ATG5: variants seen among roughly 807,000 people sequenced by gnomAD.
ATG5 encodes autophagy protein 5.
Under a neutral mutation model 36.5 loss-of-function variants are expected in ATG5, and 14 were observed. That is an observed-to-expected ratio of 0.38 (90% CI 0.25 to 0.60). ATG5 has a LOEUF of 0.60. Among genes scored for constraint, ATG5 ranks in the 20% least tolerant of loss-of-function variants. The probability of loss-of-function intolerance (pLI) is 0.60; values close to 1 mark genes in which losing one functional copy is unlikely to be tolerated. For missense variants in ATG5, 195 were observed against 326.7 expected (o/e 0.60, Z 3.11); for synonymous variants, 95 against 101.5 (o/e 0.94, Z 0.38).
chr6:106,229,669 T>C (rs1777599321), intron 6 of ATG5, among the ~76,000 whole-genome samples: 1 of 152,218 alleles, frequency 6.6e-6, no homozygotes, highest in Admixed American at 6.5e-5. Flanking sequence ...TACTACCTTG[T>C]TGTCAGCGTA....
chr6:106,291,478 A>T (rs1780305440), intron 4 of ATG5, among the ~76,000 whole-genome samples: 1 of 152,240 alleles, frequency 6.6e-6, no homozygotes, highest in South Asian at 2.1e-4. Context: ...TATATCATGG[A>T]AACAGATTTG....
chr6:106,311,771 AT>A (rs894921082), intron 2 of ATG5, among the ~76,000 whole-genome samples: 2 of 152,148 alleles, frequency 1.3e-5, no homozygotes, highest in African/African-American at 4.8e-5. Context: ...AGACTAGAAA[AT>A]GGAAAGAAGG....
At chr6:106,245,116 A>T (rs78937934) in intron 6 of ATG5, among the ~76,000 whole-genome samples, 26,457 of 152,100 alleles carry the variant, frequency 0.17, 2,705 homozygotes, top group African/African-American at 0.28. Flanking sequence ...TAACACACCA[A>T]ACTAAACTGT....
At chr6:106,222,333 C>T (rs1001008868) in intron 6 of ATG5, among the ~76,000 whole-genome samples, 1 of 152,116 alleles carries the variant, frequency 6.6e-6, no homozygotes. Flanking sequence ...CATGCATGAG[C>T]ATGGGAATTG....
intron 1 of ATG5, among the ~76,000 whole-genome samples, chr6:106,323,841 T>C (rs552982013): frequency 6.6e-6 from 1 of 152,346 alleles, no homozygotes; most frequent in East Asian, 1.9e-4. Context: ...AAGGTTCTTA[T>C]AAATTCCCAC....
At chr6:106,237,098 G>A (rs1777931893) in intron 6 of ATG5, among the ~76,000 whole-genome samples, 1 of 152,028 alleles carries the variant, frequency 6.6e-6, no homozygotes, top group Non-Finnish European at 1.5e-5. Context: ...TAGCCCTACT[G>A]TTCTACTTTG....
At chr6:106,306,500 G>C (rs184718252) in intron 3 of ATG5, among the ~76,000 whole-genome samples, 1 of 152,182 alleles carries the variant, frequency 6.6e-6, no homozygotes, top group Non-Finnish European at 1.5e-5. Context: ...CTTGTAGGAA[G>C]AGGCCAGAGC....
chr6:106,320,439 A>G (rs1029469971), intron 1 of ATG5, among the ~76,000 whole-genome samples: 20 of 152,200 alleles, frequency 1.3e-4, no homozygotes, highest in Non-Finnish European at 2.2e-4. Context: ...GGGCAGGTGC[A>G]ATATATATGC....
chr6:106,207,776 A>G (rs1274018413), intron 6 of ATG5, among the ~76,000 whole-genome samples: 1 of 152,082 alleles, frequency 6.6e-6, no homozygotes, highest in African/African-American at 2.4e-5. Context: ...TGATGCAACA[A>G]AAGATGCCAG....
chr6:106,258,627 C>T (rs1181918755), intron 5 of ATG5, among the ~76,000 whole-genome samples: 1 of 152,086 alleles, frequency 6.6e-6, no homozygotes, highest in African/African-American at 2.4e-5. Flanking sequence ...CATGACATGC[C>T]CAGGGTCATC....
intron 5 of ATG5, among the ~76,000 whole-genome samples, chr6:106,256,475 C>T (rs1299819990): frequency 6.6e-6 from 1 of 152,148 alleles, no homozygotes; most frequent in Non-Finnish European, 1.5e-5. Flanking sequence ...ATATAGCCAG[C>T]GTTAACAACC....
chr6:106,189,121 T>C (rs1261289180), intron 7 of ATG5, among the ~76,000 whole-genome samples: 1 of 152,192 alleles, frequency 6.6e-6, no homozygotes, highest in East Asian at 1.9e-4. Flanking sequence ...TCAAAATTAA[T>C]GTTTTTGGAA....
chr6:106,317,186 G>C (rs1017391674), intron 1 of ATG5, among the ~76,000 whole-genome samples: 3 of 152,170 alleles, frequency 2.0e-5, no homozygotes, highest in Admixed American at 6.5e-5. Context: ...AGTAAATGCT[G>C]AAATAAATAT....
intron 5 of ATG5, among the ~76,000 whole-genome samples, chr6:106,273,171 T>C (rs1336149190): frequency 1.3e-5 from 2 of 152,196 alleles, no homozygotes; most frequent in Non-Finnish European, 2.9e-5. Flanking sequence ...CAGTTCTACT[T>C]AGGAATCTAC....
At chr6:106,206,265 G>A (rs1303480827) in intron 6 of ATG5, among the ~76,000 whole-genome samples, 1 of 151,862 alleles carries the variant, frequency 6.6e-6, no homozygotes, top group Admixed American at 6.6e-5. Context: ...GGGGGGGTGG[G>A]GGTGGGGGCG....
At chr6:106,249,674 GGAAC>G (rs1207071859) in intron 5 of ATG5, among the ~76,000 whole-genome samples, 2 of 152,160 alleles carry the variant, frequency 1.3e-5, no homozygotes, top group Non-Finnish European at 2.9e-5. Context: ...TGTGTTTTGA[GGAAC>G]TGCCATACTG....
intron 6 of ATG5, among the ~76,000 whole-genome samples, chr6:106,226,671 A>G (rs1375091481): frequency 6.6e-6 from 1 of 152,252 alleles, no homozygotes; most frequent in Non-Finnish European, 1.5e-5. Flanking sequence ...CATAGAGTAT[A>G]TTCTCTTTAT....
intron 4 of ATG5, among the ~76,000 whole-genome samples, chr6:106,286,919 G>A (rs890058040): frequency 2.6e-5 from 4 of 152,152 alleles, no homozygotes; most frequent in African/African-American, 9.7e-5. Flanking sequence ...ACGCAGCCCA[G>A]CCAACACCCT....
At chr6:106,269,800 C>T (rs1020881572) in intron 5 of ATG5, among the ~76,000 whole-genome samples, 7 of 152,192 alleles carry the variant, frequency 4.6e-5, no homozygotes, top group Admixed American at 2.6e-4. Flanking sequence ...CCACACCTCC[C>T]TGCATGCTGA....
Sources: allele counts gnomAD v4.1 joint callset (sites outside exome capture counted in the v4.1 genomes callset), GRCh38; gene constraint gnomAD v4.1.1; transcripts MANE v1.5; gene names NCBI Gene and HGNC (gene_info 2026-07-23, HGNC 2026-07-21).